The following POLG variants were observed in gnomAD, a reference collection of about 807,000 sequenced individuals.
The protein encoded by POLG is DNA polymerase subunit gamma-1.
POLG carries 110 observed loss-of-function variants against 155.4 expected under a neutral mutation model. The observed-to-expected ratio is 0.71, with a 90% CI of 0.61 to 0.83. POLG has a LOEUF of 0.83. POLG is among the 40% of genes least tolerant of loss of function. POLG has a pLI of 0.00. For synonymous variants in POLG, 701 were observed against 631.5 expected (o/e 1.11, Z -1.65); for missense variants, 1,685 against 1,627.5 (o/e 1.04, Z -0.61).
At chr15:89,325,171 AGAGTGAGAGAGTGAGT>A (rs2055481759) in intron 10 of POLG, among the ~76,000 whole-genome samples, 7 of 58,574 alleles carry the variant, frequency 1.2e-4, no homozygotes, top group African/African-American at 2.5e-4. Flanking sequence ...AGTGAGTGAG[AGAGTGAGAGAGTGAGT>A]GAGTGAGAGA....
chr15:89,333,826 G>C lies in POLG; in HGVS notation c.-72C>G, dbSNP rs972478430. ...GGGCTCCAGCTTGGCTTCTTTTACT[G>C]GCTGGAAGACGTGGAGAGAGACACG... On this transcript the variant is annotated 5_prime_UTR_variant, in exon 2 of 23. Coordinates refer to ENST00000268124, the MANE Select transcript of POLG (RefSeq NM_002693.3). 1.1e-5 allele frequency: 16 copies of C among 1,510,444 alleles called. No homozygotes were observed. Among genetic ancestry groups the C allele is most frequent in the Non-Finnish European group, 1.3e-5 (15 of 1,124,616 alleles). 93.6% of individuals were successfully genotyped at this position (1,510,444 alleles called of 1,614,324 possible).
At chr15:89,327,707 G>C (rs1451118553) in intron 6 of POLG, among the ~76,000 whole-genome samples, 1 of 151,940 alleles carries the variant, frequency 6.6e-6, no homozygotes, top group Non-Finnish European at 1.5e-5. Flanking sequence ...TCACAACTTG[G>C]GTGGTAAAAT....
In POLG at chr15:89,320,984, C is replaced by T; in HGVS notation, c.2763G>A (p.Leu921=). ...HGCTAFGWMT[L]QGRKSRGTDL... ...CAGTGCCCCTGCTCTTCCTGCCCTGCAGTGTCATCCACCCAAAGGCTGTGC... is the reference window on the plus strand; with the variant it reads ...CAGTGCCCCTGCTCTTCCTGCCCTGTAGTGTCATCCACCCAAAGGCTGTGC... Residue 921 remains leucine (L), a synonymous_variant, in exon 18 of 23, where the codon CTG becomes CTA. Coordinates refer to ENST00000268124, the MANE Select transcript of POLG (RefSeq NM_002693.3). The T allele has an allele frequency of 1.3e-6, 2 of 1,599,482 alleles. No individual in the cohort carries two copies. Among genetic ancestry groups the T allele is most frequent in the Non-Finnish European group, 8.5e-7 (1 of 1,173,134 alleles).
rs1596348339 is a variant in POLG, at chr15:89,317,390, T to TATC, written c.3626_3628dup (p.Arg1209_Tyr1210insTer). 2 of 1,614,112 alleles carry TATC rather than the reference T, an allele frequency of 1.2e-6. No homozygotes were observed. The highest frequency in any genetic ancestry group is 4.5e-5 in the East Asian group (2 of 44,886). On this transcript the variant is annotated stop_gained, in exon 22 of 23. Transcript: ENST00000268124. LOFTEE classifies it high-confidence loss of function. ...GTTGTGCTCACCCTGGGGAATCCCG[T>TATC]ATCTCCTTTCCATCCCAGTTGGGTT...
Position 89,325,195 on chromosome 15 carries a change from A to AGAGTGAGTGAGAGAGT in POLG, c.1949+239_1949+254dup, listed in dbSNP as rs1418862375. On this transcript the variant is annotated intron_variant, in intron 10 of 22. Transcript: ENST00000268124. ...GAGAGTGAGAGAGTGAGTGAGTGAG[A>AGAGTGAGTGAGAGAGT]GAGTGAGTGAGAGAGTGAGTGAGTG... Among the ~76,000 whole-genome samples, 8 of 49,120 alleles carry AGAGTGAGTGAGAGAGT rather than the reference A, an allele frequency of 1.6e-4. 1 individual carries two copies. The highest frequency in any genetic ancestry group is 5.3e-4 in the East Asian group (1 of 1,884). 32.2% of individuals were successfully genotyped at this position (49,120 alleles called of 152,430 possible).
In POLG at chr15:89,325,481, G is replaced by C; in HGVS notation, c.1918C>G (p.Leu640Val). The C allele has an allele frequency of 6.2e-7, 1 of 1,606,936 alleles. No homozygotes were observed. The highest frequency in any genetic ancestry group is 8.5e-7 in the Non-Finnish European group (1 of 1,179,896). Residue 640 changes from leucine to valine, a missense_variant, in exon 10 of 23, where the codon CTG becomes GTG. By Grantham distance (32) the Leu-to-Val change is conservative. Transcript: ENST00000268124. ...GGGCAGACCACCCCAGCTGACTCCA[G>C]GGTGGTACCTGTCGGCAGCTTGGCC... ...NLAKLPTGTT[L>V]ESAGVVCPYR...
In POLG at chr15:89,328,891, TGA is replaced by T. The variant is rs1366436107; in HGVS notation, c.1023+50_1023+51del. ...CCTGGCCTCGGGCCAGACGGGCTGG[TGA>T]GAGGGGGTCCCAAGCACTATGCTCC... On this transcript the variant is annotated intron_variant, in intron 4 of 22. Coordinates refer to ENST00000268124, the MANE Select transcript of POLG (RefSeq NM_002693.3). 20 of 1,613,664 alleles carry T rather than the reference TGA, an allele frequency of 1.2e-5. No individual in the cohort carries two copies. The African/African-American group carries it at 2.4e-4, about 19-fold the overall frequency.
At chr15:89,322,097 C>T (rs2055405407) in intron 14 of POLG, 82 bp from the exon 15 acceptor site, 32 of 1,308,198 alleles carry the variant, frequency 2.4e-5, no homozygotes, top group East Asian at 2.3e-5. Flanking sequence ...CCTCACCTGC[C>T]CACCTCCAGG....
chr15:89,326,612 C>G lies in POLG; in HGVS notation c.1712G>C (p.Gly571Ala). The change falls in exon 9 of 23, where the codon GGA becomes GCA. Residue 571 changes from glycine to alanine, a missense_variant and splice_region_variant. By Grantham distance (60) the Gly-to-Ala change is moderately conservative. This residue lies in a region of POLG where 1,210 missense variants were observed against 1,167.1 expected (regional missense o/e 1.04). Coordinates refer to ENST00000268124, the MANE Select transcript of POLG (RefSeq NM_002693.3). ...KRPQHLPGHP[G>A]WYRKLCPRLD... is the part of the protein sequence containing the mutation. ...ACTGCTGGGGGTGGGCAGGGCTCACCCAGGGTGTCCAGGAAGGTGCTGGGG... is the reference window on the plus strand; with the variant it reads ...ACTGCTGGGGGTGGGCAGGGCTCACGCAGGGTGTCCAGGAAGGTGCTGGGG... The G allele has an allele frequency of 1.2e-6, 2 of 1,613,512 alleles. No homozygotes were observed. The highest frequency in any genetic ancestry group is 1.7e-6 in the Non-Finnish European group (2 of 1,179,960).
At chr15:89,329,787 G>T (rs1490206668) in intron 3 of POLG, among the ~76,000 whole-genome samples, 2 of 152,162 alleles carry the variant, frequency 1.3e-5, no homozygotes, top group African/African-American at 4.8e-5. Flanking sequence ...AAGGCAGGAA[G>T]TGAGCCCAGG....
intron 18 of POLG, among the ~76,000 whole-genome samples, chr15:89,320,017 A>AGC (rs1325610159): frequency 3.3e-5 from 5 of 152,200 alleles, no homozygotes; most frequent in Non-Finnish European, 5.9e-5. Context: ...CGCCTCCACC[A>AGC]GCACACGCTG....
intron 1 of POLG, 145 bp from the exon 2 acceptor site, chr15:89,334,058 G>A (rs2055637096): frequency 4.2e-6 from 2 of 471,414 alleles, no homozygotes; most frequent in Non-Finnish European, 7.6e-6. Flanking sequence ...CAAAACTTGG[G>A]AAACGTCAAT....
chr15:89,331,174 TCAA>T (rs1370787909), intron 2 of POLG, among the ~76,000 whole-genome samples: 1 of 152,152 alleles, frequency 6.6e-6, no homozygotes, highest in Non-Finnish European at 1.5e-5. Flanking sequence ...CTCAACAGAT[TCAA>T]CACACATAAA....
chr15:89,333,689 C>G lies in POLG; in HGVS notation c.66G>C (p.Pro22=). The G allele has an allele frequency of 6.5e-7, 1 of 1,544,220 alleles. No individual in the cohort carries two copies. Among genetic ancestry groups the G allele is most frequent in the Non-Finnish European group, 8.7e-7 (1 of 1,150,618 alleles). The change falls in exon 2 of 23, where the codon CCG becomes CCC. Residue 22 remains proline, a synonymous_variant. Transcript: ENST00000268124. ...GGACGGAGCTGGAGACCCAGCGCCC[C>G]GGAGCTGGAACCGGCCCTGGCCCGA... ...ATVGPGPVPA[P]GRWVSSSVPA...
chr15:89,323,742 G>C, intron 12 of POLG, 73 bp downstream of exon 12: 1 of 1,246,776 alleles, frequency 8.0e-7, no homozygotes, highest in Non-Finnish European at 1.2e-6. Context: ...TGGCTGGGAA[G>C]AACTAGGTGG....
chr15:89,331,960 G>GA (rs1172976952), intron 2 of POLG, among the ~76,000 whole-genome samples: 1 of 152,118 alleles, frequency 6.6e-6, no homozygotes, highest in African/African-American at 2.4e-5. Context: ...GAAAGAAGGA[G>GA]AAAGAGAAAA....
rs796052906 is a variant in POLG at position 89,325,456 on chromosome 15, G to C, written c.1943C>G (p.Pro648Arg). 1.0e-5 allele frequency: 16 copies of C among 1,600,416 alleles called. No individual in the cohort carries two copies. Among genetic ancestry groups the C allele is most frequent in the Admixed American group, 3.3e-5 (2 of 60,000 alleles). ...CCCTGGGCCTAAGCCTTACCTGTAG[G>C]GGCAGACCACCCCAGCTGACTCCAG... Reference protein sequence around the residue: ...TTLESAGVVCPYRAIESLYRK... With the variant: ...TTLESAGVVCRYRAIESLYRK... The change falls in exon 10 of 23, where the codon CCC becomes CGC. Residue 648 changes from proline to arginine, a missense_variant. Pro to Arg is a moderately radical substitution (Grantham distance 103, BLOSUM62 -2). Coordinates refer to ENST00000268124, the MANE Select transcript of POLG (RefSeq NM_002693.3).
Position 89,318,612 on chromosome 15 carries a change from A to C in POLG, c.3411T>G (p.Val1137=), listed in dbSNP as rs56393734. 2.5e-6 allele frequency: 4 copies of C among 1,614,188 alleles called. No individual in the cohort carries two copies. The East Asian group carries it at 8.9e-5, about 36-fold the overall frequency. Residue 1137 remains valine, a synonymous_variant, in exon 21 of 23, where the codon GTT becomes GTG. Coordinates refer to ENST00000268124, the MANE Select transcript of POLG (RefSeq NM_002693.3). The part of the protein sequence containing the change: ...GRFCISIHDE[V]RYLVREEDRY... ...GGTCCTCCTCCCGCACCAGGTAGCG[A>C]ACCTCGTCATGGATGCTGATGCAGA... is the stretch of plus-strand genomic sequence containing the variant.
intron 3 of POLG, 100 bp from the exon 4 acceptor site, chr15:89,329,210 G>T: frequency 1.0e-6 from 1 of 992,342 alleles, no homozygotes; most frequent in Non-Finnish European, 1.5e-6. Context: ...CCCCACCTCA[G>T]CTCCTCAAAC....
Sources: allele counts gnomAD v4.1 joint callset (sites outside exome capture counted in the v4.1 genomes callset), GRCh38; gene constraint gnomAD v4.1.1; regional missense constraint gnomAD v4.1.1; transcripts MANE v1.5; gene names NCBI Gene and HGNC (gene_info 2026-07-23, HGNC 2026-07-21).